The following AKT3 variants were observed in gnomAD, a reference collection of about 807,000 sequenced individuals.
AKT3 encodes the protein RAC-gamma serine/threonine-protein kinase.
AKT3 carries 15 observed loss-of-function variants against 65.3 expected under a neutral mutation model. The observed-to-expected ratio is 0.23, with a 90% CI of 0.15 to 0.35. The LOEUF is 0.35. AKT3 is among the 10% of genes least tolerant of loss of function. The pLI is 1.00. For synonymous variants in AKT3, 206 were observed against 183.8 expected, an observed-to-expected ratio of 1.12 and a Z score of -0.98; for missense variants, 243 against 576.5, an observed-to-expected ratio of 0.42 and a Z score of 5.92.
chr1:243,515,491 A>G (rs995840997), intron 12 of AKT3, among the ~76,000 whole-genome samples: 6 of 151,444 alleles, frequency 4.0e-5, no homozygotes, highest in Admixed American at 3.9e-4. Context: ...TCTTTGCATC[A>G]TTTGATATAA....
At chr1:243,537,449 T>A (rs3006943) in intron 12 of AKT3, among the ~76,000 whole-genome samples, 8,502 of 152,234 alleles carry the variant, frequency 0.056, 775 homozygotes, top group African/African-American at 0.19. Context: ...CTCCCAGTAT[T>A]TTCCCCAGTA....
chr1:243,673,340 T>TA (rs1361692052), intron 3 of AKT3, among the ~76,000 whole-genome samples: 6 of 152,182 alleles, frequency 3.9e-5, no homozygotes, highest in African/African-American at 1.4e-4. Context: ...TTTGAATACA[T>TA]ACATTTTTAG....
chr1:243,640,377 C>T (rs1323590775), intron 5 of AKT3, among the ~76,000 whole-genome samples: 1 of 152,184 alleles, frequency 6.6e-6, no homozygotes, highest in Non-Finnish European at 1.5e-5. Context: ...TTCCACTCTT[C>T]CCATGAAGGG....
At chr1:243,795,913 G>A (rs1691974328) in intron 2 of AKT3, among the ~76,000 whole-genome samples, 1 of 152,134 alleles carries the variant, frequency 6.6e-6, no homozygotes, top group African/African-American at 2.4e-5. Flanking sequence ...ATCCACAAGG[G>A]CACATAGGGA....
chr1:243,820,532 T>C (rs773622345), intron 2 of AKT3, among the ~76,000 whole-genome samples: 2 of 152,136 alleles, frequency 1.3e-5, no homozygotes, highest in Non-Finnish European at 2.9e-5. Flanking sequence ...TCAAACCCAA[T>C]GCAAAGAAGC....
intron 3 of AKT3, among the ~76,000 whole-genome samples, chr1:243,692,910 T>C (rs1684791449): frequency 6.6e-6 from 1 of 151,914 alleles, no homozygotes; most frequent in South Asian, 2.1e-4. Flanking sequence ...TCCCCTACAT[T>C]AGCAATTAAG....
chr1:243,641,288 A>ACG lies in AKT3; in HGVS notation c.430-3548_430-3547dup, dbSNP rs546878880. Among the ~76,000 whole-genome samples, 661 of 149,770 alleles carry ACG rather than the reference A, an allele frequency of 4.4e-3. 5 individuals are homozygous for ACG. The highest frequency in any genetic ancestry group is 0.016 in the African/African-American group (638 of 40,840). On this transcript the variant is annotated intron_variant, in intron 5 of 13. Coordinates refer to ENST00000673466, the MANE Select transcript of AKT3 (RefSeq NM_005465.7). ...TATATATATATACACACACACACAC[A>ACG]CGCACACACACACACATACATATAT...
At chr1:243,578,779 A>G (rs1423508890) in intron 8 of AKT3, among the ~76,000 whole-genome samples, 2 of 152,212 alleles carry the variant, frequency 1.3e-5, no homozygotes, top group Non-Finnish European at 2.9e-5. Flanking sequence ...ACAGACTGCT[A>G]AACAATTTTT....
At chr1:243,682,001 A>G (rs1026287436) in intron 3 of AKT3, among the ~76,000 whole-genome samples, 1 of 152,116 alleles carries the variant, frequency 6.6e-6, no homozygotes, top group South Asian at 2.1e-4. Context: ...TAAAACACCA[A>G]ATATAATGGG....
intron 2 of AKT3, among the ~76,000 whole-genome samples, chr1:243,749,916 C>CAGG (rs1345505796): frequency 1.3e-5 from 2 of 152,168 alleles, no homozygotes; most frequent in Non-Finnish European, 2.9e-5. Flanking sequence ...GCCTTGTTGT[C>CAGG]CTTGAATCCT....
chr1:243,749,028 T>C (rs1275091190), intron 2 of AKT3, among the ~76,000 whole-genome samples: 1 of 152,172 alleles, frequency 6.6e-6, no homozygotes, highest in Non-Finnish European at 1.5e-5. Context: ...TCCTCAGTTC[T>C]ACTGAACTTC....
chr1:243,823,247 C>G (rs1038319617), intron 2 of AKT3, among the ~76,000 whole-genome samples: 2 of 152,132 alleles, frequency 1.3e-5, no homozygotes, highest in Admixed American at 6.5e-5. Context: ...GTTAAAAACT[C>G]TCAATAAATT....
At chr1:243,550,438 G>A (rs939525099) in intron 11 of AKT3, among the ~76,000 whole-genome samples, 3 of 151,892 alleles carry the variant, frequency 2.0e-5, no homozygotes, top group Admixed American at 6.6e-5. Context: ...CCTAAGTACC[G>A]ACTATGTGCT....
chr1:243,547,002 T>C (rs1473238001), intron 11 of AKT3: 1 of 152,242 alleles, frequency 6.6e-6, no homozygotes, highest in Non-Finnish European at 1.5e-5. Context: ...TTAGTAACTT[T>C]GGGATGGTGG....
rs551604738 is a variant in AKT3 at position 243,537,843 on chromosome 1, CTT to C, written c.1251+7665_1251+7666del. Among the ~76,000 whole-genome samples, 46 of 152,312 alleles carry C rather than the reference CTT, an allele frequency of 3.0e-4. No individual in the cohort carries two copies. In the South Asian group the frequency reaches 5.8e-3, roughly 19 times the overall value. On this transcript the variant is annotated intron_variant, in intron 12 of 13. Transcript: ENST00000673466. ...AGTCAGCATATCTTCATTCACTTCT[CTT>C]GTTACTACTTTTTTTTCTCACATTG...
intron 2 of AKT3, among the ~76,000 whole-genome samples, chr1:243,781,051 A>G (rs1345338291): frequency 6.6e-6 from 1 of 152,108 alleles, no homozygotes; most frequent in Non-Finnish European, 1.5e-5. Context: ...AGTCTCTTCT[A>G]TGGCATACTC....
chr1:243,772,045 G>A (rs1353126669), intron 2 of AKT3, among the ~76,000 whole-genome samples: 1 of 152,092 alleles, frequency 6.6e-6, no homozygotes, highest in East Asian at 1.9e-4. Context: ...AATTCAAGAT[G>A]GATTAAAGAC....
chr1:243,812,183 A>C (rs1205657139), intron 2 of AKT3, among the ~76,000 whole-genome samples: 1 of 152,218 alleles, frequency 6.6e-6, no homozygotes, highest in Admixed American at 6.5e-5. Flanking sequence ...GGATCTAATT[A>C]AACTAAAGAG....
intron 2 of AKT3, among the ~76,000 whole-genome samples, chr1:243,724,510 A>T (rs1687096422): frequency 6.6e-6 from 1 of 152,198 alleles, no homozygotes. Context: ...TATAAGACTT[A>T]TGGTATCTTA....
Sources: allele counts gnomAD v4.1 joint callset (sites outside exome capture counted in the v4.1 genomes callset), GRCh38; gene constraint gnomAD v4.1.1; transcripts MANE v1.5; gene names NCBI Gene and HGNC (gene_info 2026-07-23, HGNC 2026-07-21).